ZNF385C: variants seen among roughly 807,000 people sequenced by gnomAD.
ZNF385C encodes CTD-2132N18.2.
A neutral mutation model predicts 35.4 loss-of-function variants in ZNF385C; 28 were observed. That is an observed-to-expected ratio of 0.79 (90% CI 0.59 to 1.08). The LOEUF is 1.08. ZNF385C is among the 50% of genes least tolerant of loss of function. The pLI, the probability that ZNF385C is intolerant of heterozygous loss-of-function variation, is 0.00. For synonymous variants in ZNF385C, 248 were observed against 248.2 expected (o/e 1.00, Z 0.01); for missense variants, 605 against 595.6 (o/e 1.02, Z -0.16).
At chr17:42,093,081 C>A (rs541641440) in intron 1 of ZNF385C, among the ~76,000 whole-genome samples, 40 of 152,330 alleles carry the variant, frequency 2.6e-4, no homozygotes, top group Middle Eastern at 3.4e-3. Context: ...CACAGCCGCT[C>A]CTGTGCAAGA....
chr17:42,092,703 G>T (rs2053875401), intron 1 of ZNF385C, among the ~76,000 whole-genome samples: 2 of 152,224 alleles, frequency 1.3e-5, no homozygotes, highest in South Asian at 4.1e-4. Flanking sequence ...AAAACCCAAG[G>T]GTTCCTGTTC....
chr17:42,052,343 C>T (rs1555657209), intron 2 of ZNF385C, among the ~76,000 whole-genome samples: 1 of 152,126 alleles, frequency 6.6e-6, no homozygotes, highest in Non-Finnish European at 1.5e-5. Flanking sequence ...GACAGACAGA[C>T]ACACACACAC....
rs2053863880 is a variant in ZNF385C, at chr17:42,091,600, C to T, written c.-3+6810G>A. Reference sequence around the variant, plus strand: ...CTTGGGGCTTGGCTCCCACGTGTGGCTTCAGGCCAGGCTATTTGGGGAAAC... The same window carrying T: ...CTTGGGGCTTGGCTCCCACGTGTGGTTTCAGGCCAGGCTATTTGGGGAAAC... On this transcript the variant is annotated intron_variant, in intron 1 of 8. Coordinates refer to ENST00000692273, the MANE Select transcript of ZNF385C (RefSeq NM_001392013.1). Among the ~76,000 whole-genome samples, 3 of 152,198 alleles carry T rather than the reference C, an allele frequency of 2.0e-5. No homozygotes were observed. The South Asian group carries it at 6.2e-4, about 32-fold the overall frequency.
intron 4 of ZNF385C, among the ~76,000 whole-genome samples, chr17:42,032,599 C>G (rs2052756126): frequency 6.6e-6 from 1 of 152,192 alleles, no homozygotes; most frequent in Non-Finnish European, 1.5e-5. Flanking sequence ...AACATTCATC[C>G]CTTTGTTCAT....
chr17:42,056,692 T>TG (rs1555657560), intron 2 of ZNF385C, among the ~76,000 whole-genome samples: 1 of 152,188 alleles, frequency 6.6e-6, no homozygotes, highest in African/African-American at 2.4e-5. Context: ...ATGACTATCA[T>TG]GGGGGCAGTT....
chr17:42,049,114 C>T (rs1247341565), intron 2 of ZNF385C, among the ~76,000 whole-genome samples: 1 of 152,116 alleles, frequency 6.6e-6, no homozygotes, highest in Non-Finnish European at 1.5e-5. Flanking sequence ...CTCTGGGTTC[C>T]TCCAGAGTGC....
intron 1 of ZNF385C, among the ~76,000 whole-genome samples, chr17:42,091,829 G>C (rs2053865866): frequency 6.6e-6 from 1 of 152,206 alleles, no homozygotes; most frequent in South Asian, 2.1e-4. Flanking sequence ...TCACAAGAAT[G>C]CTACCTGCCC....
At chr17:42,045,294 G>T (rs62076908) in intron 2 of ZNF385C, among the ~76,000 whole-genome samples, 1 of 151,988 alleles carries the variant, frequency 6.6e-6, no homozygotes, top group East Asian at 1.9e-4. Flanking sequence ...CTTGTGATCC[G>T]CCCGTCTCGG....
chr17:42,045,218 AT>A (rs1237004501), intron 2 of ZNF385C, among the ~76,000 whole-genome samples: 2 of 139,662 alleles, frequency 1.4e-5, no homozygotes, highest in Non-Finnish European at 3.1e-5. Context: ...CGCCCAGCCA[AT>A]TTTTTATATT....
intron 1 of ZNF385C, among the ~76,000 whole-genome samples, chr17:42,093,604 A>G (rs1555660745): frequency 6.8e-6 from 1 of 146,334 alleles, no homozygotes; most frequent in African/African-American, 2.6e-5. Context: ...TTTTTGAGAG[A>G]GGGTCTCACT....
intron 8 of ZNF385C, 49 bp downstream of exon 8, chr17:42,027,569 C>G: frequency 2.1e-6 from 2 of 963,966 alleles, no homozygotes; most frequent in Non-Finnish European, 3.1e-6. Flanking sequence ...CCCAGCCCAC[C>G]CTCTCCCCTC....
chr17:42,029,016 G>T lies in ZNF385C; in HGVS notation c.734C>A (p.Thr245Lys), dbSNP rs983718292. Residue 245 changes from threonine to lysine, a missense_variant, in exon 6 of 9, where the codon ACA becomes AAA. By Grantham distance (78) the Thr-to-Lys change is moderately conservative (BLOSUM62 -1). Transcript: ENST00000692273. Reference protein sequence around the residue: ...PLQPPPTPDPTCREPAHSELL... With the variant: ...PLQPPPTPDPKCREPAHSELL... ...CTCTGAGTGGGCTGGCTCCCTGCAT[G>T]TAGGGTCTGGAGTTGGTGGTGGCTG... The T allele has an allele frequency of 1.9e-6, 3 of 1,550,344 alleles. No homozygotes were observed. Among genetic ancestry groups the T allele is most frequent in the Non-Finnish European group, 2.6e-6 (3 of 1,147,012 alleles).
chr17:42,080,068 G>T (rs2053732254), intron 1 of ZNF385C, among the ~76,000 whole-genome samples: 2 of 152,320 alleles, frequency 1.3e-5, no homozygotes, highest in South Asian at 2.1e-4. Context: ...GCTACCTGGG[G>T]TGTGTAGGAG....
chr17:42,083,356 A>G (rs2143933658), intron 1 of ZNF385C, among the ~76,000 whole-genome samples: 1 of 151,784 alleles, frequency 6.6e-6, no homozygotes, highest in Admixed American at 6.6e-5. Flanking sequence ...GCACCCGCCA[A>G]CACGCCCCCG....
chr17:42,078,190 G>A (rs1598202797), intron 1 of ZNF385C, among the ~76,000 whole-genome samples: 1 of 152,294 alleles, frequency 6.6e-6, no homozygotes, highest in East Asian at 1.9e-4. Flanking sequence ...CAGTTTCCCT[G>A]GCGGTGTATT....
chr17:42,074,098 G>C (rs1339438889), intron 1 of ZNF385C, among the ~76,000 whole-genome samples: 1 of 152,180 alleles, frequency 6.6e-6, no homozygotes, highest in Non-Finnish European at 1.5e-5. Flanking sequence ...CCTTTCCCCA[G>C]CTTCATCACT....
At chr17:42,038,248 C>T in intron 2 of ZNF385C, 4 of 550,342 alleles carry the variant, frequency 7.3e-6, no homozygotes, top group Middle Eastern at 4.7e-4. Flanking sequence ...GCTGGGATTC[C>T]ATTTTATTGC....
At chr17:42,044,431 A>G (rs376268559) in intron 2 of ZNF385C, among the ~76,000 whole-genome samples, 7 of 152,032 alleles carry the variant, frequency 4.6e-5, no homozygotes, top group African/African-American at 1.7e-4. Context: ...AGCCTGACCA[A>G]CATGGAGAAA....
chr17:42,026,921 T>C lies in ZNF385C; in HGVS notation c.1488A>G (p.Gly496=). ...GCTAATAAGGGGCAAGGACGATAGG[T>C]CCTGTGGCAGGGCGGACAGCTCCTG... The part of the protein sequence containing the change: ...TPAGAVRPAT[G]PIVLAPY The change falls in exon 9 of 9, where the codon GGA becomes GGG. Residue 496 remains glycine, a synonymous_variant. Transcript: ENST00000692273. 2 of 1,602,620 alleles carry C rather than the reference T, an allele frequency of 1.2e-6. No individual in the cohort carries two copies. Among genetic ancestry groups the C allele is most frequent in the Non-Finnish European group, 1.7e-6 (2 of 1,174,474 alleles).
Sources: gnomAD v4.1 joint callset for allele counts (sites outside exome capture counted in the v4.1 genomes callset) on GRCh38, gnomAD v4.1.1 for gene constraint, MANE v1.5 for transcripts, NCBI Gene and HGNC (gene_info 2026-07-23, HGNC 2026-07-21) for gene names.